PIP5K1B: variants seen among roughly 807,000 people sequenced by gnomAD.
PIP5K1B encodes the protein phosphatidylinositol-4-phosphate 5-kinase type 1 beta.
PIP5K1B carries 42 observed loss-of-function variants against 67.0 expected under a neutral mutation model. The observed-to-expected ratio is 0.63, with a 90% CI of 0.49 to 0.81. PIP5K1B has a LOEUF of 0.81. Among genes scored for constraint, PIP5K1B ranks in the 30% least tolerant of loss-of-function variants. PIP5K1B has a pLI of 0.00. For synonymous variants in PIP5K1B, 214 were observed against 231.4 expected (o/e 0.92, Z 0.68); for missense variants, 459 against 646.3 (o/e 0.71, Z 3.14).
chr9:68,755,447 A>G (rs971230737), intron 2 of PIP5K1B, among the ~76,000 whole-genome samples: 1 of 152,244 alleles, frequency 6.6e-6, no homozygotes, highest in Non-Finnish European at 1.5e-5. Context: ...TTTCATAGAT[A>G]TAGACCCTTT....
intron 2 of PIP5K1B, among the ~76,000 whole-genome samples, chr9:68,794,120 T>C (rs1317684094): frequency 2.0e-5 from 3 of 152,210 alleles, no homozygotes; most frequent in Non-Finnish European, 4.4e-5. Flanking sequence ...ACAAGTCACC[T>C]GTGTGAGAGT....
chr9:68,882,048 T>C (rs1437974399), intron 6 of PIP5K1B, among the ~76,000 whole-genome samples: 1 of 152,202 alleles, frequency 6.6e-6, no homozygotes, highest in Non-Finnish European at 1.5e-5. Context: ...TGTGCTCTGC[T>C]TTTTCTTTTT....
intron 2 of PIP5K1B, chr9:68,780,849 G>A (rs139065792): frequency 7.4e-6 from 12 of 1,614,182 alleles, no homozygotes; most frequent in Middle Eastern, 1.6e-4. Flanking sequence ...TTCTTCTGAC[G>A]TTGCACAGCT....
intron 2 of PIP5K1B, chr9:68,784,053 C>T (rs1424067368): frequency 6.0e-6 from 1 of 167,076 alleles, no homozygotes; most frequent in Non-Finnish European, 1.5e-5. Flanking sequence ...ATTTTAGATC[C>T]TTTTCCCCGA....
At chr9:68,916,001 A>G (rs1179562782) in intron 8 of PIP5K1B, among the ~76,000 whole-genome samples, 1 of 152,210 alleles carries the variant, frequency 6.6e-6, no homozygotes, top group East Asian at 1.9e-4. Flanking sequence ...CTATATCATA[A>G]ATATCAAAAG....
chr9:68,912,801 G>A (rs145844693), intron 8 of PIP5K1B, among the ~76,000 whole-genome samples: 13 of 152,228 alleles, frequency 8.5e-5, no homozygotes, highest in African/African-American at 2.9e-4. Flanking sequence ...AGTGTGATGT[G>A]GTGTTAAAGA....
chr9:68,787,629 ATCTTTCTT>A (rs150830832), intron 2 of PIP5K1B, among the ~76,000 whole-genome samples: 1 of 150,826 alleles, frequency 6.6e-6, no homozygotes, highest in Non-Finnish European at 1.5e-5. Flanking sequence ...TTTCTTTCTA[ATCTTTCTT>A]TCTTTTTTTT....
At chr9:68,707,699 G>A (rs1827187233) in intron 1 of PIP5K1B, 1 of 152,160 alleles carries the variant, frequency 6.6e-6, no homozygotes, top group African/African-American at 2.4e-5. Flanking sequence ...ATCTTCTGAT[G>A]TCCAGTCCAT....
At chr9:69,007,779 C>T (rs758257632) in intron 15 of PIP5K1B, among the ~76,000 whole-genome samples, 3 of 151,666 alleles carry the variant, frequency 2.0e-5, no homozygotes, top group Admixed American at 2.0e-4. Flanking sequence ...ATCTCATGTA[C>T]GTGGGAGGCA....
chr9:68,705,731 T>C lies in PIP5K1B; in HGVS notation c.-274T>C. The C allele has an allele frequency of 6.6e-6, 1 of 151,606 alleles. No homozygotes were observed. The highest frequency in any genetic ancestry group is 1.5e-5 in the Non-Finnish European group (1 of 67,982). 9.4% of individuals were successfully genotyped at this position (151,606 alleles called of 1,614,324 possible). A position where few individuals can be genotyped will look rare whatever the true frequency, so the allele number is the denominator to read the frequency against. ...CAGACTGTGGCGCAACTGGTCTTGG[T>C]AGCGGAGGCACCCGAATGCTGCCCG... On this transcript the variant is annotated 5_prime_UTR_variant, in exon 1 of 16. Coordinates refer to ENST00000265382, the MANE Select transcript of PIP5K1B (RefSeq NM_003558.4).
At chr9:68,789,079 C>A in intron 2 of PIP5K1B, 1 of 513,390 alleles carries the variant, frequency 1.9e-6, no homozygotes, top group Non-Finnish European at 3.8e-6. Context: ...ATTGTAGAAC[C>A]TGATTTATCA....
Position 68,844,123 on chromosome 9 carries a change from G to A in PIP5K1B, c.70-19714G>A, listed in dbSNP as rs143004408. On this transcript the variant is annotated intron_variant, in intron 4 of 15. Coordinates refer to ENST00000265382, the MANE Select transcript of PIP5K1B (RefSeq NM_003558.4). Reference sequence around the variant, plus strand: ...GTTGGCTGCTGCAGGGCCTAAACAAGAGAGAGGCCTTACAGTAGGGGTTAT... The same window carrying A: ...GTTGGCTGCTGCAGGGCCTAAACAAAAGAGAGGCCTTACAGTAGGGGTTAT... 1.3e-4 allele frequency among the ~76,000 whole-genome samples: 20 copies of A among 152,348 alleles called. No individual in the cohort carries two copies. In the East Asian group the frequency reaches 3.7e-3, roughly 28 times the overall value.
intron 8 of PIP5K1B, among the ~76,000 whole-genome samples, chr9:68,895,394 C>T (rs945787925): frequency 2.0e-4 from 30 of 151,856 alleles, no homozygotes; most frequent in African/African-American, 6.3e-4. Flanking sequence ...ATGGGAGAAC[C>T]GTCCAGCCAC....
At chr9:68,827,623 G>A (rs937535155) in intron 4 of PIP5K1B, among the ~76,000 whole-genome samples, 8 of 152,182 alleles carry the variant, frequency 5.3e-5, no homozygotes, top group African/African-American at 1.7e-4. Context: ...GATGACACGG[G>A]AAGGCTTTTG....
intron 4 of PIP5K1B, among the ~76,000 whole-genome samples, chr9:68,858,395 A>G (rs1164906301): frequency 2.6e-5 from 4 of 152,300 alleles, no homozygotes; most frequent in South Asian, 2.1e-4. Context: ...GGGAAAATAG[A>G]TCTTCTCAGA....
At chr9:68,980,931 T>C (rs1373761871) in intron 14 of PIP5K1B, among the ~76,000 whole-genome samples, 1 of 152,248 alleles carries the variant, frequency 6.6e-6, no homozygotes, top group Non-Finnish European at 1.5e-5. Flanking sequence ...CCAGCAATTA[T>C]GACTCTGAAC....
intron 4 of PIP5K1B, among the ~76,000 whole-genome samples, chr9:68,829,884 A>C (rs920441123): frequency 7.2e-5 from 11 of 152,190 alleles, no homozygotes; most frequent in African/African-American, 2.7e-4. Flanking sequence ...GCAGTCCCTG[A>C]GCCTCTGATT....
intron 1 of PIP5K1B, among the ~76,000 whole-genome samples, chr9:68,709,184 T>C (rs1827265121): frequency 6.6e-6 from 1 of 152,218 alleles, no homozygotes; most frequent in African/African-American, 2.4e-5. Context: ...AGCATTTATA[T>C]GTTTAAGTTT....
chr9:68,903,154 G>C (rs1825447648), intron 8 of PIP5K1B, among the ~76,000 whole-genome samples: 2 of 152,160 alleles, frequency 1.3e-5, no homozygotes, highest in Non-Finnish European at 2.9e-5. Flanking sequence ...AATCTGCTCT[G>C]TGGGAACTGT....
Sources: allele counts gnomAD v4.1 joint callset (sites outside exome capture counted in the v4.1 genomes callset), GRCh38; gene constraint gnomAD v4.1.1; transcripts MANE v1.5; gene names NCBI Gene and HGNC (gene_info 2026-07-23, HGNC 2026-07-21).